SLC22A3: variants seen among roughly 807,000 people sequenced by gnomAD.
The protein encoded by SLC22A3 is solute carrier family 22 member 3, also known as EMT organic cation transporter 3.
A neutral mutation model predicts 59.1 loss-of-function variants in SLC22A3; 51 were observed. The ratio of observed to expected loss-of-function variants is 0.86; its 90% CI spans 0.69 to 1.09. The LOEUF is 1.09. Among genes scored for constraint, SLC22A3 ranks in the 50% least tolerant of loss-of-function variants. The pLI, the probability that SLC22A3 is intolerant of heterozygous loss-of-function variation, is 0.00. For missense variants in SLC22A3, 711 were observed against 726.3 expected, an observed-to-expected ratio of 0.98 and a Z score of 0.24; for synonymous variants, 325 against 292.0, an observed-to-expected ratio of 1.11 and a Z score of -1.15.
In SLC22A3 at chr6:160,447,745, C is replaced by T; in HGVS notation, c.1537C>T (p.Leu513Phe). The T allele has an allele frequency of 6.2e-7, 1 of 1,614,020 alleles. No individual in the cohort carries two copies. Among genetic ancestry groups the T allele is most frequent in the East Asian group, 2.2e-5 (1 of 44,860 alleles). The change falls in exon 10 of 11, where the codon CTT becomes TTT. Residue 513 changes from leucine to phenylalanine, a missense_variant. Physicochemically the swap from Leu to Phe is conservative, Grantham distance 22. Coordinates refer to ENST00000275300, the MANE Select transcript of SLC22A3 (RefSeq NM_021977.4). Reference protein sequence around the residue: ...FGILASICGGLVMLLPETKGI... With the variant: ...FGILASICGGFVMLLPETKGI... ...TATCCTGGCATCCATCTGTGGTGGC[C>T]TTGTGATGCTTTTGCCTGAAACCAA...
chr6:160,381,987 T>C (rs1423449442), intron 1 of SLC22A3, among the ~76,000 whole-genome samples: 1 of 152,226 alleles, frequency 6.6e-6, no homozygotes, highest in Non-Finnish European at 1.5e-5. Context: ...TCATTTATTT[T>C]AGAATTATTT....
intron 1 of SLC22A3, among the ~76,000 whole-genome samples, chr6:160,376,554 GA>G (rs1395694434): frequency 6.6e-6 from 1 of 152,130 alleles, no homozygotes; most frequent in African/African-American, 2.4e-5. Context: ...TTAGCCACTA[GA>G]TTTTAGAGTT....
At chr6:160,371,364 GATGTTCCCCTCCCTATGTCC>G (rs980691609) in intron 1 of SLC22A3, among the ~76,000 whole-genome samples, 3 of 152,060 alleles carry the variant, frequency 2.0e-5, no homozygotes, top group African/African-American at 7.2e-5. Flanking sequence ...CCTGGTGTGT[GATGTTCCCCTCCCTATGTCC>G]ATGTGTTCTC....
chr6:160,421,573 C>T (rs1348977124), intron 5 of SLC22A3, among the ~76,000 whole-genome samples: 2 of 152,200 alleles, frequency 1.3e-5, no homozygotes, highest in African/African-American at 4.8e-5. Context: ...TACTTCTTCC[C>T]TGCCTACCCT....
chr6:160,380,953 C>G (rs902454284), intron 1 of SLC22A3, among the ~76,000 whole-genome samples: 1 of 152,154 alleles, frequency 6.6e-6, no homozygotes. Flanking sequence ...TGATAGAGAA[C>G]AGCTGGAAGC....
At chr6:160,365,161 C>T (rs570343484) in intron 1 of SLC22A3, among the ~76,000 whole-genome samples, 21 of 152,218 alleles carry the variant, frequency 1.4e-4, no homozygotes, top group Non-Finnish European at 2.5e-4. Flanking sequence ...AGTCACAAGA[C>T]ATTATAGCTA....
intron 1 of SLC22A3, among the ~76,000 whole-genome samples, chr6:160,366,168 AT>A (rs1277343241): frequency 2.0e-5 from 3 of 152,134 alleles, no homozygotes; most frequent in Non-Finnish European, 4.4e-5. Flanking sequence ...AGTCCCCCAA[AT>A]TCTTAACTTA....
intron 2 of SLC22A3, among the ~76,000 whole-genome samples, chr6:160,403,250 T>C (rs1208483222): frequency 6.6e-6 from 1 of 151,538 alleles, no homozygotes; most frequent in Non-Finnish European, 1.5e-5. Flanking sequence ...AACAGGATAA[T>C]AAAGAAATAC....
intron 2 of SLC22A3, among the ~76,000 whole-genome samples, chr6:160,402,996 T>A (rs2504916): frequency 0.8 from 120,876 of 151,250 alleles, 48,508 homozygotes; most frequent in East Asian, 1. Context: ...GAGAAGAGCA[T>A]ATTAAACCCA....
chr6:160,434,497 A>C (rs1362019029), intron 5 of SLC22A3, among the ~76,000 whole-genome samples: 2 of 152,228 alleles, frequency 1.3e-5, no homozygotes, highest in Non-Finnish European at 2.9e-5. Context: ...CAGAAGTACT[A>C]ACTTTATAGA....
At chr6:160,398,155 T>C (rs1786591932) in intron 2 of SLC22A3, 73 bp downstream of exon 2, 11 of 1,106,396 alleles carry the variant, frequency 9.9e-6, no homozygotes, top group Non-Finnish European at 2.8e-6. Flanking sequence ...AAATGTTTTA[T>C]GTTAACTATT....
chr6:160,401,449 A>C (rs956069365), intron 2 of SLC22A3, among the ~76,000 whole-genome samples: 3 of 152,006 alleles, frequency 2.0e-5, no homozygotes, highest in African/African-American at 7.2e-5. Context: ...TATACTGTGC[A>C]AAGTTATCAT....
intron 1 of SLC22A3, among the ~76,000 whole-genome samples, chr6:160,395,094 T>C (rs748503615): frequency 7.2e-5 from 11 of 152,216 alleles, no homozygotes; most frequent in Non-Finnish European, 1.0e-4. Flanking sequence ...CATAAAGCTT[T>C]AGAAAATGTT....
At chr6:160,387,203 A>G (rs565762667) in intron 1 of SLC22A3, among the ~76,000 whole-genome samples, 2 of 152,374 alleles carry the variant, frequency 1.3e-5, no homozygotes, top group East Asian at 1.9e-4. Context: ...GGGAAGATGC[A>G]TAAACAGGCC....
At position 160,370,826 on chromosome 6, in the gene SLC22A3, G is replaced by C. The variant is rs574691748; in HGVS notation, c.429+21978G>C. 1.1e-4 allele frequency among the ~76,000 whole-genome samples: 16 copies of C among 152,256 alleles called. No homozygotes were observed. In the South Asian group the frequency reaches 3.3e-3, roughly 32 times the overall value. Reference sequence around the variant, plus strand: ...CTATTAAGTTGCCCCTTATCATTAAGTTTTTAAGTCTGATTTTCTGATATT... The same window carrying C: ...CTATTAAGTTGCCCCTTATCATTAACTTTTTAAGTCTGATTTTCTGATATT... On this transcript the variant is annotated intron_variant, in intron 1 of 10. Transcript: ENST00000275300.
chr6:160,352,062 GT>G (rs1275515658), intron 1 of SLC22A3, among the ~76,000 whole-genome samples: 1 of 152,154 alleles, frequency 6.6e-6, no homozygotes, highest in African/African-American at 2.4e-5. Context: ...TCATTTTACG[GT>G]GTCAGGATCC....
At chr6:160,371,512 T>C (rs1238668675) in intron 1 of SLC22A3, among the ~76,000 whole-genome samples, 1 of 152,236 alleles carries the variant, frequency 6.6e-6, no homozygotes, top group African/African-American at 2.4e-5. Context: ...GGACATGAAC[T>C]CATCCTTTTT....
In SLC22A3 at chr6:160,451,316, G is replaced by A; in HGVS notation, c.*260G>A. ...CTGTCAGGTGCACAGCCCTTCCTGGGTTTTTTTCTTGTGTTCCCTGTGGTC... is the reference window on the plus strand; with the variant it reads ...CTGTCAGGTGCACAGCCCTTCCTGGATTTTTTTCTTGTGTTCCCTGTGGTC... On this transcript the variant is annotated 3_prime_UTR_variant, in exon 11 of 11. Transcript: ENST00000275300. 1 of 451,336 alleles carries A rather than the reference G, an allele frequency of 2.2e-6. No individual in the cohort carries two copies. Among genetic ancestry groups the A allele is most frequent in the South Asian group, 2.5e-5 (1 of 39,502 alleles). The allele number at this position is 451,336 out of a possible 1,614,324, so 28.0% of individuals were successfully genotyped here.
intron 1 of SLC22A3, among the ~76,000 whole-genome samples, chr6:160,356,088 C>G (rs925408465): frequency 1.3e-5 from 2 of 152,204 alleles, no homozygotes; most frequent in Non-Finnish European, 2.9e-5. Flanking sequence ...CTTTTTATGA[C>G]CATGGCTAGG....
Sources: allele counts gnomAD v4.1 joint callset (sites outside exome capture counted in the v4.1 genomes callset), GRCh38; gene constraint gnomAD v4.1.1; transcripts MANE v1.5; gene names NCBI Gene and HGNC (gene_info 2026-07-23, HGNC 2026-07-21).